The following CNTNAP5 variants were observed in gnomAD, a reference collection of about 807,000 sequenced individuals.
The protein encoded by CNTNAP5 is contactin associated protein family member 5.
CNTNAP5 carries 72 observed loss-of-function variants against 150.2 expected under a neutral mutation model. The ratio of observed to expected loss-of-function variants is 0.48; its 90% CI spans 0.40 to 0.58. The LOEUF is 0.58. Ranked by LOEUF, CNTNAP5 falls within the 20% of genes least tolerant of loss-of-function variation. CNTNAP5 has a pLI of 0.00. For synonymous variants in CNTNAP5, 672 were observed against 619.8 expected (o/e 1.08, Z -1.25); for missense variants, 1,636 against 1,626.2 (o/e 1.01, Z -0.10).
At chr2:124,530,236 G>A (rs1695073364) in intron 10 of CNTNAP5, among the ~76,000 whole-genome samples, 1 of 152,198 alleles carries the variant, frequency 6.6e-6, no homozygotes, top group Non-Finnish European at 1.5e-5. Flanking sequence ...CTTGAACCCA[G>A]GAGATGGAGG....
In CNTNAP5 at chr2:124,305,016, A is replaced by C. The variant is rs181279323; in HGVS notation, c.381+62623A>C. Among the ~76,000 whole-genome samples, 520 of 150,742 alleles carry C rather than the reference A, an allele frequency of 3.4e-3. 2 individuals are homozygous for C. Among genetic ancestry groups the C allele is most frequent in the Non-Finnish European group, 6.1e-3 (413 of 67,780 alleles). ...TGTGGTGGCACACACCTGTAATCTCAGCACTCTGAGAGGCCAAGGCAGGTG... is the reference window on the plus strand; with the variant it reads ...TGTGGTGGCACACACCTGTAATCTCCGCACTCTGAGAGGCCAAGGCAGGTG... On this transcript the variant is annotated intron_variant, in intron 3 of 23. Transcript: ENST00000682447.
intron 3 of CNTNAP5, among the ~76,000 whole-genome samples, chr2:124,248,341 A>C (rs887267132): frequency 2.0e-5 from 3 of 152,306 alleles, no homozygotes; most frequent in African/African-American, 7.2e-5. Context: ...TGTGAAATAC[A>C]TGGAGATAAA....
intron 19 of CNTNAP5, among the ~76,000 whole-genome samples, chr2:124,802,965 A>G (rs1682001705): frequency 6.6e-6 from 1 of 152,072 alleles, no homozygotes; most frequent in African/African-American, 2.4e-5. Flanking sequence ...TCTACAAAAA[A>G]TTAGCCAGGC....
At chr2:124,753,255 C>CT (rs1680769710) in intron 14 of CNTNAP5, among the ~76,000 whole-genome samples, 2 of 152,118 alleles carry the variant, frequency 1.3e-5, no homozygotes, top group African/African-American at 4.8e-5. Flanking sequence ...GGGATGTTAT[C>CT]TTTTTAGCAC....
chr2:124,874,235 C>T (rs988194848), intron 21 of CNTNAP5, among the ~76,000 whole-genome samples: 1 of 152,032 alleles, frequency 6.6e-6, no homozygotes, highest in Non-Finnish European at 1.5e-5. Flanking sequence ...TTACTTGGTT[C>T]TGGCCTATTG....
chr2:124,155,956 G>T (rs548138173), intron 1 of CNTNAP5, among the ~76,000 whole-genome samples: 3 of 152,334 alleles, frequency 2.0e-5, no homozygotes, highest in East Asian at 3.9e-4. Flanking sequence ...GCAAGCCTTT[G>T]CTCCACTGGA....
At chr2:124,040,395 C>G (rs2104630642) in intron 1 of CNTNAP5, among the ~76,000 whole-genome samples, 1 of 152,230 alleles carries the variant, frequency 6.6e-6, no homozygotes, top group Non-Finnish European at 1.5e-5. Flanking sequence ...AAACACAAAG[C>G]TCCTTCAACA....
intron 1 of CNTNAP5, among the ~76,000 whole-genome samples, chr2:124,170,165 G>T (rs1420136653): frequency 6.6e-6 from 1 of 152,026 alleles, no homozygotes; most frequent in African/African-American, 2.4e-5. Context: ...GACAAGAACT[G>T]AAAGAATAAA....
rs182799287 is a variant in CNTNAP5 at position 124,122,547 on chromosome 2, A to G, written c.82+96815A>G. Among the ~76,000 whole-genome samples the G allele has an allele frequency of 2.0e-5, 3 of 152,216 alleles. No individual in the cohort carries two copies. The East Asian group carries it at 5.8e-4, about 29-fold the overall frequency. On this transcript the variant is annotated intron_variant, in intron 1 of 23. Transcript: ENST00000682447. ...CCCTTTTATGAGGTTCACTAAAATG[A>G]GTTTCATTCAACTTTGGAATTAGCA...
intron 1 of CNTNAP5, among the ~76,000 whole-genome samples, chr2:124,216,321 A>G (rs1686153173): frequency 6.6e-6 from 1 of 152,150 alleles, no homozygotes; most frequent in South Asian, 2.1e-4. Flanking sequence ...TATATGAAAA[A>G]GGATTTGCAT....
chr2:124,388,275 G>A (rs1264979625), intron 3 of CNTNAP5, among the ~76,000 whole-genome samples: 1 of 152,170 alleles, frequency 6.6e-6, no homozygotes, highest in East Asian at 1.9e-4. Context: ...GCTGAAGCCT[G>A]GGGGAGCAGT....
chr2:124,713,173 T>C (rs888813706), intron 13 of CNTNAP5, among the ~76,000 whole-genome samples: 2 of 137,172 alleles, frequency 1.5e-5, no homozygotes, highest in African/African-American at 5.7e-5. Flanking sequence ...CCTCCCTCTC[T>C]CTTTTCCTCC....
chr2:124,802,720 C>T (rs1343857853), intron 19 of CNTNAP5, among the ~76,000 whole-genome samples: 2 of 152,202 alleles, frequency 1.3e-5, no homozygotes, highest in Non-Finnish European at 2.9e-5. Flanking sequence ...GGGGATTTCT[C>T]TTTCAAATTT....
chr2:124,227,642 G>T (rs1198322675), intron 2 of CNTNAP5, among the ~76,000 whole-genome samples: 1 of 100,354 alleles, frequency 1.0e-5, no homozygotes. Context: ...TCGTGTGTAT[G>T]TGTGTGTGTG....
chr2:124,202,882 T>C (rs976907100), intron 1 of CNTNAP5, among the ~76,000 whole-genome samples: 4 of 152,050 alleles, frequency 2.6e-5, no homozygotes, highest in South Asian at 2.1e-4. Context: ...AGACGAAATT[T>C]GAGTGAGGAC....
At chr2:124,258,120 C>G (rs970108423) in intron 3 of CNTNAP5, among the ~76,000 whole-genome samples, 3 of 152,106 alleles carry the variant, frequency 2.0e-5, no homozygotes, top group African/African-American at 7.2e-5. Flanking sequence ...TAAATACCCA[C>G]AGCAATGCAG....
At chr2:124,858,684 A>C (rs1677438241) in intron 19 of CNTNAP5, among the ~76,000 whole-genome samples, 1 of 152,220 alleles carries the variant, frequency 6.6e-6, no homozygotes, top group African/African-American at 2.4e-5. Flanking sequence ...GGAAACATTG[A>C]GTCAAAAAGC....
rs762142001 is a variant in CNTNAP5 at position 124,474,786 on chromosome 2, A to C, written c.966A>C (p.Leu322Phe). 26 of 1,601,456 alleles carry C rather than the reference A, an allele frequency of 1.6e-5. No homozygotes were observed. The highest frequency in any genetic ancestry group is 2.2e-5 in the Non-Finnish European group (26 of 1,175,290). ...TACCAGGAAAACCTGGGACCTTTTT[A>C]AAGAAAAACTTCCATGGATGCATCG... ...IPVPGKPGTF[L>F]KKNFHGCIEN... The change falls in exon 7 of 24, where the codon TTA becomes TTC. Residue 322 changes from leucine (L) to phenylalanine (F), a missense_variant. Coordinates refer to ENST00000682447, the MANE Select transcript of CNTNAP5 (RefSeq NM_001367498.1).
intron 12 of CNTNAP5, among the ~76,000 whole-genome samples, chr2:124,619,908 C>T (rs1269076076): frequency 1.7e-5 from 2 of 115,546 alleles, no homozygotes; most frequent in African/African-American, 9.1e-5. Flanking sequence ...CTGTCTCATT[C>T]ATATATATAT....
Sources: allele counts gnomAD v4.1 joint callset (sites outside exome capture counted in the v4.1 genomes callset), GRCh38; gene constraint gnomAD v4.1.1; transcripts MANE v1.5; gene names NCBI Gene and HGNC (gene_info 2026-07-23, HGNC 2026-07-21).